Variants in JAZF1 observed in about 807,000 individuals in gnomAD.
The protein encoded by JAZF1 is JAZF zinc finger 1, also known as juxtaposed with another zinc finger protein 1.
Under a neutral mutation model 26.4 loss-of-function variants are expected in JAZF1, and 8 were observed. The ratio of observed to expected loss-of-function variants is 0.30; its 90% confidence interval spans 0.18 to 0.55. The LOEUF (loss-of-function observed/expected upper bound fraction) is 0.55, where lower values mean the gene tolerates loss of function less well. Among genes scored for constraint, JAZF1 ranks in the 20% least tolerant of loss-of-function variants. JAZF1 has a pLI of 0.94. For missense variants in JAZF1, 199 were observed against 322.0 expected, an observed-to-expected ratio of 0.62 and a Z score of 2.92; for synonymous variants, 126 against 122.3, an observed-to-expected ratio of 1.03 and a Z score of -0.20.
At chr7:28,058,372 A>G (rs561893872) in intron 1 of JAZF1, among the ~76,000 whole-genome samples, 9 of 152,156 alleles carry the variant, frequency 5.9e-5, no homozygotes, top group Non-Finnish European at 1.2e-4. Context: ...AAATGAGGAC[A>G]AGCCAGAACC....
chr7:27,853,915 G>A (rs1181488200), intron 3 of JAZF1, among the ~76,000 whole-genome samples: 1 of 152,216 alleles, frequency 6.6e-6, no homozygotes, highest in Non-Finnish European at 1.5e-5. Flanking sequence ...CTGAGTTCAA[G>A]TCCTGAATAT....
chr7:28,081,321 C>A (rs565143434), intron 1 of JAZF1, among the ~76,000 whole-genome samples: 4 of 152,112 alleles, frequency 2.6e-5, no homozygotes, highest in African/African-American at 9.7e-5. Context: ...ATGACCAGCT[C>A]GGAGGAACCA....
chr7:28,101,294 T>C (rs547179513), intron 1 of JAZF1, among the ~76,000 whole-genome samples: 1 of 152,160 alleles, frequency 6.6e-6, no homozygotes, highest in Admixed American at 6.6e-5. Flanking sequence ...ATACCACATA[T>C]TAAACACACC....
rs80248894 is a variant in JAZF1, at chr7:27,834,107, C to T, written c.556-1131G>A. Among the ~76,000 whole-genome samples, 867 of 152,294 alleles carry T rather than the reference C, an allele frequency of 5.7e-3. 4 individuals carry two copies. The highest frequency in any genetic ancestry group is 9.1e-3 in the Admixed American group (139 of 15,300). ...CCCTTGCCCAACTGAAGGATTCCAACACAAATTGTTCCCACTCTTCATGGG... is the reference window on the plus strand; with the variant it reads ...CCCTTGCCCAACTGAAGGATTCCAATACAAATTGTTCCCACTCTTCATGGG... On this transcript the variant is annotated intron_variant, in intron 4 of 4. Coordinates refer to ENST00000283928, the MANE Select transcript of JAZF1 (RefSeq NM_175061.4).
intron 1 of JAZF1, among the ~76,000 whole-genome samples, chr7:28,062,189 T>C (rs552711532): frequency 6.6e-6 from 1 of 152,306 alleles, no homozygotes; most frequent in South Asian, 2.1e-4. Flanking sequence ...CAACTCCAAA[T>C]ACACCCCTTA....
intron 1 of JAZF1, among the ~76,000 whole-genome samples, chr7:28,099,297 C>T (rs1377829043): frequency 6.6e-6 from 1 of 151,414 alleles, no homozygotes; most frequent in Non-Finnish European, 1.5e-5. Flanking sequence ...TTCAGTCTGA[C>T]TAAAAAAAAT....
At chr7:28,111,125 C>A in intron 1 of JAZF1, among the ~76,000 whole-genome samples, 1 of 152,094 alleles carries the variant, frequency 6.6e-6, no homozygotes, top group East Asian at 1.9e-4. Context: ...CTATTTTATG[C>A]TTGATACAAC....
intron 1 of JAZF1, among the ~76,000 whole-genome samples, chr7:28,066,112 AT>A (rs961050997): frequency 1.3e-5 from 2 of 152,184 alleles, no homozygotes; most frequent in African/African-American, 2.4e-5. Flanking sequence ...CCCCAGGCAG[AT>A]TTAGTCTTTG....
At chr7:28,044,162 TA>T (rs938377197) in intron 1 of JAZF1, among the ~76,000 whole-genome samples, 62 of 152,016 alleles carry the variant, frequency 4.1e-4, no homozygotes, top group African/African-American at 1.3e-3. Flanking sequence ...TCACCTCTAC[TA>T]AAAAAAATGC....
At position 28,147,492 on chromosome 7, in the gene JAZF1, A is replaced by ATTTTT. The variant is rs10622246; in HGVS notation, c.115+32966_115+32970dup. ...CACTTTTCCTCTACTAGTAAAAACA[A>ATTTTT]TTTTTTTTTTTACATTATGAAAGTT... On this transcript the variant is annotated intron_variant, in intron 1 of 4. Coordinates refer to ENST00000283928, the MANE Select transcript of JAZF1 (RefSeq NM_175061.4). 3.1e-3 allele frequency among the ~76,000 whole-genome samples: 465 copies of ATTTTT among 149,010 alleles called. 1 individual carries two copies. Among genetic ancestry groups the ATTTTT allele is most frequent in the Middle Eastern group, 0.01 (3 of 286 alleles).
At chr7:28,131,699 C>G (rs1211676863) in intron 1 of JAZF1, among the ~76,000 whole-genome samples, 4 of 152,282 alleles carry the variant, frequency 2.6e-5, no homozygotes, top group Non-Finnish European at 5.9e-5. Context: ...TATCCCAGAG[C>G]AGTATCCTAC....
At chr7:28,034,098 A>C (rs1783243471) in intron 1 of JAZF1, among the ~76,000 whole-genome samples, 1 of 151,940 alleles carries the variant, frequency 6.6e-6, no homozygotes, top group African/African-American at 2.4e-5. Flanking sequence ...AAATACCAAT[A>C]CCTCTCTAAA....
intron 3 of JAZF1, among the ~76,000 whole-genome samples, chr7:27,868,127 C>T (rs1783511884): frequency 6.6e-6 from 1 of 152,230 alleles, no homozygotes; most frequent in South Asian, 2.1e-4. Context: ...GTGCTTGGAT[C>T]AGTGCCTGCC....
At chr7:27,946,984 T>C (rs1784932834) in intron 2 of JAZF1, among the ~76,000 whole-genome samples, 1 of 152,244 alleles carries the variant, frequency 6.6e-6, no homozygotes, top group African/African-American at 2.4e-5. Context: ...GTAGCTACGC[T>C]ATGCCCACTG....
chr7:28,156,833 A>T (rs1217378127), intron 1 of JAZF1, among the ~76,000 whole-genome samples: 3 of 152,210 alleles, frequency 2.0e-5, no homozygotes, highest in Admixed American at 6.5e-5. Context: ...GAACTAGAAC[A>T]CTACCAAGCA....
intron 1 of JAZF1, among the ~76,000 whole-genome samples, chr7:28,061,271 A>T (rs1189582239): frequency 6.6e-6 from 1 of 152,250 alleles, no homozygotes; most frequent in Admixed American, 6.5e-5. Context: ...TACAATGCAG[A>T]TGCTGCTTTC....
chr7:27,961,630 G>A (rs1262047968), intron 2 of JAZF1, among the ~76,000 whole-genome samples: 1 of 152,208 alleles, frequency 6.6e-6, no homozygotes, highest in Non-Finnish European at 1.5e-5. Context: ...AGGAAAGAAG[G>A]AAAAAGGGAC....
chr7:27,998,645 G>A (rs1487252991), intron 1 of JAZF1, among the ~76,000 whole-genome samples: 2 of 152,162 alleles, frequency 1.3e-5, no homozygotes, highest in African/African-American at 4.8e-5. Flanking sequence ...ATCCAGATGC[G>A]GTTAAGTGTT....
chr7:27,866,894 T>C (rs1783483060), intron 3 of JAZF1, among the ~76,000 whole-genome samples: 1 of 152,222 alleles, frequency 6.6e-6, no homozygotes, highest in Admixed American at 6.5e-5. Context: ...AGGTGCACGA[T>C]GCAGAACTTG....
Sources: allele counts gnomAD v4.1 joint callset (sites outside exome capture counted in the v4.1 genomes callset), GRCh38; gene constraint gnomAD v4.1.1; transcripts MANE v1.5; gene names NCBI Gene and HGNC (gene_info 2026-07-23, HGNC 2026-07-21).